Variants in UBE2F observed in about 807,000 individuals in gnomAD.
UBE2F encodes NEDD8-conjugating enzyme UBE2F.
In UBE2F, 5 loss-of-function variants were observed where a neutral mutation model predicts 29.6. The ratio of observed to expected loss-of-function variants is 0.17; its 90% confidence interval spans 0.09 to 0.36. The LOEUF is 0.36. Among genes scored for constraint, UBE2F ranks in the 10% least tolerant of loss-of-function variants. The probability of loss-of-function intolerance (pLI) is 1.00; values close to 1 mark genes in which losing one functional copy is unlikely to be tolerated. For missense variants in UBE2F, 141 were observed against 228.5 expected (o/e 0.62, Z 2.47); for synonymous variants, 66 against 81.8 (o/e 0.81, Z 1.04).
chr2:238,023,378 A>G lies in UBE2F; in HGVS notation c.283-1964A>G, dbSNP rs112925807. The stretch of plus-strand genomic sequence containing the variant: ...ACCTAAATTCTTTGTCCTCAGACAC[A>G]TGGATTTGCACAGTCAGTTTAATCA... On this transcript the variant is annotated intron_variant, in intron 5 of 9. Transcript: ENST00000272930. Among the ~76,000 whole-genome samples the G allele has an allele frequency of 4.7e-4, 71 of 152,362 alleles. 3 individuals carry two copies. In the Middle Eastern group the frequency reaches 0.048, roughly 102 times the overall value.
At chr2:238,011,798 T>C (rs2064036231) in intron 4 of UBE2F, among the ~76,000 whole-genome samples, 1 of 152,238 alleles carries the variant, frequency 6.6e-6, no homozygotes, top group Admixed American at 6.5e-5. Flanking sequence ...AATAAGTAGA[T>C]TAGATGGGCA....
At chr2:237,972,701 C>T (rs774959149) in intron 1 of UBE2F, among the ~76,000 whole-genome samples, 2 of 151,758 alleles carry the variant, frequency 1.3e-5, no homozygotes, top group African/African-American at 4.8e-5. Flanking sequence ...CAGGCACACA[C>T]CACCACTCCT....
intron 3 of UBE2F, among the ~76,000 whole-genome samples, chr2:237,990,172 A>T (rs956668768): frequency 6.6e-6 from 1 of 150,668 alleles, no homozygotes; most frequent in Non-Finnish European, 1.5e-5. Flanking sequence ...CAGATGAAGT[A>T]GTTTGCTTTA....
At chr2:238,001,280 G>A (rs1214904721) in intron 4 of UBE2F, among the ~76,000 whole-genome samples, 9 of 152,004 alleles carry the variant, frequency 5.9e-5, no homozygotes, top group African/African-American at 2.2e-4. Flanking sequence ...TGATCTGCCC[G>A]CCTCAGCCTC....
intron 4 of UBE2F, among the ~76,000 whole-genome samples, chr2:237,996,169 A>G (rs961236370): frequency 1.3e-5 from 2 of 152,246 alleles, no homozygotes; most frequent in African/African-American, 4.8e-5. Context: ...GGTCACTGCT[A>G]TGGACATCAT....
chr2:238,032,466 T>C (rs1488712136), intron 8 of UBE2F: 5 of 520,872 alleles, frequency 9.6e-6, no homozygotes, highest in Middle Eastern at 5.2e-4. Flanking sequence ...AATAGAAAAA[T>C]TAGTTGGGCA....
rs551434982 is a variant in UBE2F at position 237,992,157 on chromosome 2, C to A, written c.149-2587C>A. Among the ~76,000 whole-genome samples the A allele has an allele frequency of 6.6e-5, 10 of 152,258 alleles. No homozygotes were observed. In the East Asian group the frequency reaches 1.9e-3, roughly 29 times the overall value. On this transcript the variant is annotated intron_variant, in intron 3 of 9. Coordinates refer to ENST00000272930, the MANE Select transcript of UBE2F (RefSeq NM_080678.3). ...CTAGGATTACAGGCATGAGCCACTG[C>A]GACCGGCCGATAATTTCTTTATTCT...
intron 3 of UBE2F, among the ~76,000 whole-genome samples, chr2:237,991,413 A>C (rs1032927673): frequency 3.9e-5 from 6 of 152,300 alleles, no homozygotes; most frequent in African/African-American, 1.2e-4. Context: ...GGAGCTCTGC[A>C]CATGCAAGTT....
chr2:238,028,025 T>A (rs1443743291), intron 6 of UBE2F, among the ~76,000 whole-genome samples: 1 of 152,242 alleles, frequency 6.6e-6, no homozygotes, highest in Non-Finnish European at 1.5e-5. Flanking sequence ...AAGCTTCTAT[T>A]ACAGTTCGTG....
At chr2:237,971,480 G>A (rs1055564560) in intron 1 of UBE2F, among the ~76,000 whole-genome samples, 7 of 152,112 alleles carry the variant, frequency 4.6e-5, no homozygotes, top group Admixed American at 3.3e-4. Context: ...GGGCCACCAC[G>A]CCCGGCTAAT....
intron 4 of UBE2F, among the ~76,000 whole-genome samples, chr2:238,013,419 G>A (rs936019581): frequency 1.3e-5 from 2 of 152,110 alleles, no homozygotes; most frequent in African/African-American, 2.4e-5. Context: ...AGTGCGTCAC[G>A]GGTACTTTTG....
chr2:238,034,387 C>T (rs2064656816), intron 8 of UBE2F, among the ~76,000 whole-genome samples: 1 of 151,866 alleles, frequency 6.6e-6, no homozygotes, highest in East Asian at 1.9e-4. Flanking sequence ...GAGATCACGC[C>T]ATTGCATTCC....
At chr2:238,010,322 C>T (rs906292352) in intron 4 of UBE2F, among the ~76,000 whole-genome samples, 18 of 152,180 alleles carry the variant, frequency 1.2e-4, no homozygotes, top group African/African-American at 2.9e-4. Flanking sequence ...TACAAGTACC[C>T]GCCACTATGC....
At chr2:238,026,704 G>A (rs563157189) in intron 6 of UBE2F, among the ~76,000 whole-genome samples, 60 of 152,214 alleles carry the variant, frequency 3.9e-4, no homozygotes, top group African/African-American at 1.4e-3. Context: ...GAGTGCTGGG[G>A]TTACAGGTGT....
chr2:238,025,255 A>G lies in UBE2F; in HGVS notation c.283-87A>G, dbSNP rs373327579. On this transcript the variant is annotated intron_variant, in intron 5 of 9. Transcript: ENST00000272930. ...TGAGTCAGCCATGAAACAAGCGTCTAGATAGGGGATGTGGTAAGGCTCTGG... is the reference window on the plus strand; with the variant it reads ...TGAGTCAGCCATGAAACAAGCGTCTGGATAGGGGATGTGGTAAGGCTCTGG... 223 of 1,129,790 alleles carry G rather than the reference A, an allele frequency of 2.0e-4. 8 individuals are homozygous for G. The South Asian group carries it at 2.7e-3, about 14-fold the overall frequency. 70.0% of individuals were successfully genotyped at this position (1,129,790 alleles called of 1,614,324 possible). A position where few individuals can be genotyped will look rare whatever the true frequency, so the allele number is the denominator to read the frequency against.
rs1396546537 is a variant in UBE2F, at chr2:238,025,328, T to C, written c.283-14T>C. ...ACTGTCGGCGTGATCTCTCTCATTG[T>C]CTCTGTGTTGCAGCCTCCCAAAGTG... On this transcript the variant is annotated splice_polypyrimidine_tract_variant and intron_variant, in intron 5 of 9. Transcript: ENST00000272930. The C allele has an allele frequency of 4.3e-6, 7 of 1,612,714 alleles. No homozygotes were observed. Among genetic ancestry groups the C allele is most frequent in the Non-Finnish European group, 5.9e-6 (7 of 1,179,006 alleles).
At chr2:237,998,856 CAG>C (rs992805524) in intron 4 of UBE2F, among the ~76,000 whole-genome samples, 9 of 152,088 alleles carry the variant, frequency 5.9e-5, no homozygotes, top group African/African-American at 2.2e-4. Context: ...TTCCCAGTGA[CAG>C]ATGATGTAGA....
At position 237,982,384 on chromosome 2, in the gene UBE2F, G is replaced by T. The variant is rs1375719125; in HGVS notation, c.119-5579G>T. Among the ~76,000 whole-genome samples, 1 of 152,190 alleles carries T rather than the reference G, an allele frequency of 6.6e-6. No individual in the cohort carries two copies. The highest frequency in any genetic ancestry group is 2.4e-5 in the African/African-American group (1 of 41,448). ...TGGCCTCACTCTTCATTGTCCGTCTGTGCCCAGACCTCACCTCTTCCCTTG... is the reference window on the plus strand; with the variant it reads ...TGGCCTCACTCTTCATTGTCCGTCTTTGCCCAGACCTCACCTCTTCCCTTG... On this transcript the variant is annotated intron_variant, in intron 2 of 9. Coordinates refer to ENST00000272930, the MANE Select transcript of UBE2F (RefSeq NM_080678.3). This position sits in a 1 kb window ranked among gnomAD's most constrained non-coding sequence, Gnocchi z 4.1.
chr2:238,015,701 A>T (rs918786150), intron 4 of UBE2F, among the ~76,000 whole-genome samples: 3 of 152,222 alleles, frequency 2.0e-5, no homozygotes, highest in Non-Finnish European at 4.4e-5. Flanking sequence ...TTTGTTCATG[A>T]TGATAAATAT....
Sources: allele counts gnomAD v4.1 joint callset (sites outside exome capture counted in the v4.1 genomes callset), GRCh38; gene constraint gnomAD v4.1.1; non-coding constraint Gnocchi (gnomAD v3.1); transcripts MANE v1.5; gene names NCBI Gene and HGNC (gene_info 2026-07-23, HGNC 2026-07-21).